The following KANSL1L variants were observed in gnomAD, a reference collection of about 807,000 sequenced individuals.
The protein encoded by KANSL1L is KAT8 regulatory NSL complex subunit 1-like protein.
In KANSL1L, 25 loss-of-function variants were observed where a neutral mutation model predicts 108.6. The observed-to-expected ratio is 0.23, with a 90% CI of 0.17 to 0.32. The LOEUF is 0.32. KANSL1L is among the 10% of genes least tolerant of loss of function. The pLI is 1.00. For synonymous variants in KANSL1L, 405 were observed against 395.1 expected (o/e 1.03, Z -0.30); for missense variants, 1,137 against 1,125.7 (o/e 1.01, Z -0.14).
At chr2:210,055,068 C>A (rs2094335541) in intron 6 of KANSL1L, among the ~76,000 whole-genome samples, 1 of 152,182 alleles carries the variant, frequency 6.6e-6, no homozygotes, top group Admixed American at 6.5e-5. Flanking sequence ...CCCCACATGT[C>A]ATGGGAGGGA....
intron 3 of KANSL1L, among the ~76,000 whole-genome samples, chr2:210,123,288 T>C (rs1472175843): frequency 1.3e-5 from 2 of 152,084 alleles, no homozygotes; most frequent in African/African-American, 4.8e-5. Flanking sequence ...TAAGTGTCCA[T>C]CAACAGACAA....
intron 1 of KANSL1L, among the ~76,000 whole-genome samples, chr2:210,164,202 CTGTA>C (rs2095375252): frequency 6.6e-6 from 1 of 152,246 alleles, no homozygotes; most frequent in African/African-American, 2.4e-5. Flanking sequence ...TTCTATTCCT[CTGTA>C]TGTGTGCCAA....
intron 5 of KANSL1L, chr2:210,088,218 C>T (rs922611579): frequency 6.6e-6 from 1 of 152,320 alleles, no homozygotes; most frequent in African/African-American, 2.4e-5. Flanking sequence ...TCTTTCCCAT[C>T]TTACAAGATG....
At chr2:210,116,765 G>A (rs2094959249) in intron 3 of KANSL1L, among the ~76,000 whole-genome samples, 1 of 152,188 alleles carries the variant, frequency 6.6e-6, no homozygotes, top group African/African-American at 2.4e-5. Flanking sequence ...GCATTCTCAA[G>A]AAGGACTGGT....
intron 5 of KANSL1L, 34 bp from the exon 6 acceptor site, chr2:210,075,790 G>A (rs769941784): frequency 2.7e-6 from 4 of 1,501,952 alleles, no homozygotes; most frequent in African/African-American, 1.4e-5. Context: ...GGCGTGGGAA[G>A]GGAATAAAAC....
intron 2 of KANSL1L, among the ~76,000 whole-genome samples, chr2:210,134,830 A>G (rs191623894): frequency 1.1e-4 from 16 of 152,264 alleles, no homozygotes; most frequent in African/African-American, 3.9e-4. Flanking sequence ...CATAAGCCTA[A>G]CAAAGACTAT....
intron 1 of KANSL1L, among the ~76,000 whole-genome samples, chr2:210,167,587 A>G (rs1651804186): frequency 6.6e-6 from 1 of 152,066 alleles, no homozygotes; most frequent in African/African-American, 2.4e-5. Flanking sequence ...CTTCACATGA[A>G]TAAACACTGA....
At chr2:210,154,710 A>G (rs1419006634) in intron 1 of KANSL1L, 99 bp from the exon 2 acceptor site, 14 of 605,572 alleles carry the variant, frequency 2.3e-5, no homozygotes, top group Non-Finnish European at 3.5e-5. Context: ...TGATTAGAAC[A>G]TGAAGGAACA....
intron 1 of KANSL1L, among the ~76,000 whole-genome samples, chr2:210,161,538 C>T (rs1167157094): frequency 2.0e-5 from 3 of 152,120 alleles, no homozygotes; most frequent in African/African-American, 7.2e-5. Context: ...AGATATGACA[C>T]CAAAAGCATT....
chr2:210,163,382 C>T (rs1181528429), intron 1 of KANSL1L, among the ~76,000 whole-genome samples: 1 of 152,112 alleles, frequency 6.6e-6, no homozygotes, highest in African/African-American at 2.4e-5. Flanking sequence ...CTTTGATGGG[C>T]TTAGTAGCAG....
chr2:210,136,105 G>T (rs900616185), intron 2 of KANSL1L, among the ~76,000 whole-genome samples: 1 of 152,052 alleles, frequency 6.6e-6, no homozygotes, highest in African/African-American at 2.4e-5. Flanking sequence ...ACTTAAAAAG[G>T]GTTCCAAAAA....
chr2:210,105,848 G>A (rs1276673774), intron 3 of KANSL1L, among the ~76,000 whole-genome samples: 3 of 152,102 alleles, frequency 2.0e-5, no homozygotes, highest in East Asian at 1.9e-4. Flanking sequence ...AAATATGGCC[G>A]TCAAGAAATC....
chr2:210,050,196 A>C (rs766086448), intron 6 of KANSL1L, among the ~76,000 whole-genome samples: 1 of 152,200 alleles, frequency 6.6e-6, no homozygotes, highest in Non-Finnish European at 1.5e-5. Flanking sequence ...GAGTGAAACA[A>C]CACCAGGCAA....
At chr2:210,132,319 C>A (rs1434700101) in intron 2 of KANSL1L, among the ~76,000 whole-genome samples, 1 of 152,114 alleles carries the variant, frequency 6.6e-6, no homozygotes, top group Non-Finnish European at 1.5e-5. Context: ...TGTCCCAACT[C>A]CCCAGTTAGC....
intron 4 of KANSL1L, among the ~76,000 whole-genome samples, chr2:210,098,672 G>T (rs1012111145): frequency 2.8e-4 from 43 of 152,066 alleles, no homozygotes; most frequent in African/African-American, 1.0e-3. Context: ...TAACAGAACA[G>T]ATGAGTAAAT....
At chr2:210,160,791 T>A (rs1227275274) in intron 1 of KANSL1L, among the ~76,000 whole-genome samples, 2 of 152,174 alleles carry the variant, frequency 1.3e-5, no homozygotes, top group African/African-American at 2.4e-5. Context: ...TGCTGATATC[T>A]ACAAGCTAAT....
intron 3 of KANSL1L, among the ~76,000 whole-genome samples, chr2:210,116,683 A>G (rs143746017): frequency 1.2e-3 from 182 of 152,328 alleles, no homozygotes; most frequent in African/African-American, 4.0e-3. Context: ...CAGTGTTACT[A>G]AAGTTGGGGA....
chr2:210,154,575 G>A lies in KANSL1L; in HGVS notation c.8C>T (p.Pro3Leu). 1 of 1,509,396 alleles carries A rather than the reference G, an allele frequency of 6.6e-7. No homozygotes were observed. The highest frequency in any genetic ancestry group is 8.9e-7 in the Non-Finnish European group (1 of 1,129,010). 93.5% of individuals were successfully genotyped at this position (1,509,396 alleles called of 1,614,324 possible). The change falls in exon 2 of 15, where the codon CCA (proline) becomes CTA (leucine). Residue 3 changes from proline to leucine, a missense_variant. Physicochemically the swap from Pro to Leu is moderately conservative, Grantham distance 98. Around this residue, in one of 3 missense-constraint regions of KANSL1L, gnomAD observed 556 missense variants for 537.7 expected, o/e 1.03. Coordinates refer to ENST00000281772, the MANE Select transcript of KANSL1L (RefSeq NM_152519.4). MTPALREATAKGI... is the reference protein window; with the variant it reads MTLALREATAKGI... ...CTTTGCTGTTGCCTCCCTCAGAGCT[G>A]GGGTCATGGCGATTCCTGTAGATAA... is the stretch of plus-strand genomic sequence containing the variant.
chr2:210,111,370 G>C (rs2094903095), intron 3 of KANSL1L, among the ~76,000 whole-genome samples: 1 of 152,102 alleles, frequency 6.6e-6, no homozygotes, highest in South Asian at 2.1e-4. Flanking sequence ...ATTATGCTAA[G>C]TGAAAGAGCA....
Sources: allele counts gnomAD v4.1 joint callset (sites outside exome capture counted in the v4.1 genomes callset), GRCh38; gene constraint gnomAD v4.1.1; regional missense constraint gnomAD v4.1.1; transcripts MANE v1.5; gene names NCBI Gene and HGNC (gene_info 2026-07-23, HGNC 2026-07-21).